Variants in OPRM1 observed in about 807,000 individuals in gnomAD.
OPRM1 encodes mu-type opioid receptor.
In OPRM1, 27 loss-of-function variants were observed where a neutral mutation model predicts 31.8. The observed-to-expected ratio is 0.85, with a 90% CI of 0.63 to 1.17. OPRM1 has a LOEUF of 1.17. OPRM1 is among the 50% of genes most tolerant of loss of function. OPRM1 has a pLI of 0.00. For synonymous variants in OPRM1, 196 were observed against 189.9 expected, an observed-to-expected ratio of 1.03 and a Z score of -0.26; for missense variants, 536 against 511.1, an observed-to-expected ratio of 1.05 and a Z score of -0.47.
chr6:154,229,030 C>G (rs1048688842), intron 3 of OPRM1, among the ~76,000 whole-genome samples: 3 of 152,210 alleles, frequency 2.0e-5, no homozygotes, highest in African/African-American at 7.2e-5. Context: ...GTGACCATTT[C>G]CAAAACTTTT....
At chr6:154,010,555 TC>T in exon 1 of OPRM1, 1 of 1,545,862 alleles carries the variant, frequency 6.5e-7, no homozygotes, top group Non-Finnish European at 8.8e-7. Flanking sequence ...TGGGAAGCCC[TC>T]CAGGTTCATT....
intron 3 of OPRM1, among the ~76,000 whole-genome samples, chr6:154,192,675 T>C (rs1003378892): frequency 6.7e-6 from 1 of 149,964 alleles, no homozygotes; most frequent in Non-Finnish European, 1.5e-5. Context: ...GAAAAAAAAA[T>C]GACTTAATCC....
chr6:154,237,136 T>C (rs1780197629), intron 3 of OPRM1, among the ~76,000 whole-genome samples: 1 of 152,186 alleles, frequency 6.6e-6, no homozygotes, highest in African/African-American at 2.4e-5. Flanking sequence ...AAGAGCTTGC[T>C]CCAGACAGAT....
intron 3 of OPRM1, among the ~76,000 whole-genome samples, chr6:154,195,282 G>C (rs941553141): frequency 6.6e-6 from 1 of 151,610 alleles, no homozygotes; most frequent in Non-Finnish European, 1.5e-5. Context: ...CGAGTAGGTG[G>C]GACTACAGGC....
chr6:154,040,680 T>G (rs1381590935), intron 1 of OPRM1, among the ~76,000 whole-genome samples: 1 of 152,146 alleles, frequency 6.6e-6, no homozygotes, highest in African/African-American at 2.4e-5. Flanking sequence ...AATTCCACAT[T>G]AGAAACTGCA....
In OPRM1 at chr6:154,129,304, C is replaced by T. The variant is rs1416630066; in HGVS notation, c.*10583C>T. Among the ~76,000 whole-genome samples, 1 of 152,176 alleles carries T rather than the reference C, an allele frequency of 6.6e-6. No homozygotes were observed. The highest frequency in any genetic ancestry group is 1.5e-5 in the Non-Finnish European group (1 of 68,034). On this transcript the variant is annotated 3_prime_UTR_variant, in exon 4 of 4. Transcript: ENST00000330432. Reference sequence around the variant, plus strand: ...GAGAACAGAACAATGTTCTTCTATACAATGTAAGGAATCTATGAATAACAT... The same window carrying T: ...GAGAACAGAACAATGTTCTTCTATATAATGTAAGGAATCTATGAATAACAT...
At chr6:154,029,759 C>T (rs1032413105) in intron 1 of OPRM1, among the ~76,000 whole-genome samples, 3 of 152,152 alleles carry the variant, frequency 2.0e-5, no homozygotes, top group African/African-American at 7.2e-5. Context: ...GCAGTTACCT[C>T]CATGCTGTTC....
At chr6:154,183,263 G>A (rs1291852139) in intron 3 of OPRM1, among the ~76,000 whole-genome samples, 3 of 152,182 alleles carry the variant, frequency 2.0e-5, no homozygotes, top group Non-Finnish European at 4.4e-5. Flanking sequence ...ACAGGCGTGA[G>A]CCACCACACC....
chr6:154,186,575 G>A (rs1159305767), intron 3 of OPRM1, among the ~76,000 whole-genome samples: 1 of 145,586 alleles, frequency 6.9e-6, no homozygotes, highest in East Asian at 2.3e-4. Context: ...TTTTTTTTTT[G>A]AGACGGAGTC....
chr6:154,160,083 G>T, intron 3 of OPRM1: 1 of 1,441,846 alleles, frequency 6.9e-7, no homozygotes, highest in Non-Finnish European at 9.6e-7. Flanking sequence ...TGTTGAGAGT[G>T]TCTTAATTTA....
chr6:154,203,704 T>C (rs958342752), intron 3 of OPRM1, among the ~76,000 whole-genome samples: 1 of 152,200 alleles, frequency 6.6e-6, no homozygotes, highest in Non-Finnish European at 1.5e-5. Context: ...TGACTCTTCA[T>C]CTTTTTGATG....
chr6:154,132,144 G>A lies in OPRM1; in HGVS notation c.*13423G>A, dbSNP rs920022984. On this transcript the variant is annotated 3_prime_UTR_variant, in exon 4 of 4. Transcript: ENST00000330432. ...CATGTGCAGATCAAAATGTCAACTA[G>A]TATATCAAACAGTGAGCAATTCACT... is the stretch of plus-strand genomic sequence containing the variant. 1.3e-5 allele frequency among the ~76,000 whole-genome samples: 2 copies of A among 152,018 alleles called. No individual in the cohort carries two copies. The highest frequency in any genetic ancestry group is 2.4e-5 in the African/African-American group (1 of 41,402).
chr6:154,141,314 C>T lies in OPRM1; in HGVS notation c.1164+49842C>T, dbSNP rs146993506. Among the ~76,000 whole-genome samples the T allele has an allele frequency of 2.8e-3, 419 of 152,300 alleles. 3 individuals carry two copies. The highest frequency in any genetic ancestry group is 9.6e-3 in the African/African-American group (400 of 41,566). ...AAATATTCTAACGGTTAGCTTACCC[C>T]TAAGTCTCAGTGCTCTATCCCCTAG... is the stretch of plus-strand genomic sequence containing the variant. On this transcript the variant is annotated intron_variant, in intron 3 of 3. Transcript: ENST00000337049.
At chr6:154,201,797 A>T (rs911705954) in intron 3 of OPRM1, among the ~76,000 whole-genome samples, 73 of 152,218 alleles carry the variant, frequency 4.8e-4, no homozygotes, top group African/African-American at 1.6e-3. Flanking sequence ...CGGGAAGCTG[A>T]GGCAGGAGAA....
At chr6:154,207,009 G>A (rs1392091721) in intron 3 of OPRM1, among the ~76,000 whole-genome samples, 2 of 152,230 alleles carry the variant, frequency 1.3e-5, no homozygotes, top group East Asian at 1.9e-4. Context: ...GTGAATCAAT[G>A]TGATCAGAAC....
chr6:154,098,967 T>G (rs1478997289), intron 3 of OPRM1, among the ~76,000 whole-genome samples: 1 of 152,102 alleles, frequency 6.6e-6, no homozygotes, highest in East Asian at 1.9e-4. Flanking sequence ...GAATAGGAAC[T>G]TTTCATGATG....
In OPRM1 at chr6:154,196,865, C is replaced by A. The variant is rs117844454; in HGVS notation, c.1165-49828C>A. ...ATTTTATTTTTTCAATAGCTTAACA[C>A]TACAGGAGAAAATGTCTAACAGAGT... On this transcript the variant is annotated intron_variant, in intron 3 of 3. Coordinates refer to the OPRM1 transcript ENST00000337049. Among the ~76,000 whole-genome samples, 792 of 152,264 alleles carry A rather than the reference C, an allele frequency of 5.2e-3. 7 individuals are homozygous for A. The highest frequency in any genetic ancestry group is 6.2e-3 in the Non-Finnish European group (424 of 68,018).
Position 154,039,469 on chromosome 6 carries a change from T to G in OPRM1, c.-76T>G, listed in dbSNP as rs751984779. On this transcript the variant is annotated 5_prime_UTR_variant, in exon 1 of 4. Coordinates refer to ENST00000330432, the MANE Select transcript of OPRM1 (RefSeq NM_000914.5). ...TGTGGCAGCGGCGAAAGGAAGCGGC[T>G]GAGGCGCTTGGAACCCGAAAAGTCT... 7.7e-6 allele frequency: 12 copies of G among 1,554,462 alleles called. No homozygotes were observed. The highest frequency in any genetic ancestry group is 1.0e-5 in the Non-Finnish European group (12 of 1,148,578).
intron 3 of OPRM1, among the ~76,000 whole-genome samples, chr6:154,114,571 G>A (rs9478506): frequency 6.6e-6 from 1 of 152,044 alleles, no homozygotes; most frequent in Non-Finnish European, 1.5e-5. Flanking sequence ...GCCAGGGAAG[G>A]GGTCTTAATC....
Sources: gnomAD v4.1 joint callset for allele counts (sites outside exome capture counted in the v4.1 genomes callset) on GRCh38, gnomAD v4.1.1 for gene constraint, MANE v1.5 for transcripts, NCBI Gene and HGNC (gene_info 2026-07-23, HGNC 2026-07-21) for gene names.